The following ITGA8 variants were observed in gnomAD, a reference collection of about 807,000 sequenced individuals.
ITGA8 encodes the protein integrin alpha-8.
ITGA8 carries 91 observed loss-of-function variants against 142.3 expected under a neutral mutation model. That is an observed-to-expected ratio of 0.64 (90% CI 0.54 to 0.76). ITGA8 has a LOEUF of 0.76. Ranked by LOEUF, ITGA8 falls within the 30% of genes least tolerant of loss-of-function variation. The probability of loss-of-function intolerance (pLI) is 0.00; values close to 1 mark genes in which losing one functional copy is unlikely to be tolerated. For synonymous variants in ITGA8, 505 were observed against 485.2 expected, an observed-to-expected ratio of 1.04 and a Z score of -0.54; for missense variants, 1,406 against 1,327.7, an observed-to-expected ratio of 1.06 and a Z score of -0.92.
chr10:15,694,339 T>G (rs1835001079), intron 2 of ITGA8, among the ~76,000 whole-genome samples: 1 of 10,374 alleles, frequency 9.6e-5, no homozygotes. Flanking sequence ...ATATCATATA[T>G]CAGATAATAT....
intron 13 of ITGA8, among the ~76,000 whole-genome samples, chr10:15,627,111 C>A (rs938066917): frequency 6.6e-6 from 1 of 152,150 alleles, no homozygotes; most frequent in African/African-American, 2.4e-5. Context: ...CACTCCCCTG[C>A]CTTCCAGCTA....
intron 25 of ITGA8, among the ~76,000 whole-genome samples, chr10:15,563,000 C>G (rs1033305045): frequency 1.3e-5 from 2 of 152,188 alleles, no homozygotes; most frequent in Non-Finnish European, 2.9e-5. Flanking sequence ...AAGTGAGCTT[C>G]CACTCTGAGT....
intron 22 of ITGA8, among the ~76,000 whole-genome samples, 162 bp downstream of exon 22, chr10:15,592,063 C>T (rs930986549): frequency 1.3e-5 from 2 of 152,122 alleles, no homozygotes; most frequent in East Asian, 3.9e-4. Context: ...GTTGAAATTA[C>T]TGAAACAATT....
chr10:15,608,387 C>T (rs1833235957), intron 15 of ITGA8, 97 bp from the exon 16 acceptor site: 1 of 672,398 alleles, frequency 1.5e-6, no homozygotes, highest in South Asian at 1.8e-5. Context: ...ATCATTTTCT[C>T]TATATATTTC....
At chr10:15,575,369 GAC>G (rs1210737640) in intron 24 of ITGA8, 118 bp downstream of exon 24, 2 of 733,122 alleles carry the variant, frequency 2.7e-6, no homozygotes, top group Non-Finnish European at 4.7e-6. Flanking sequence ...CAGCCTGGGA[GAC>G]ACAGCGAGAT....
chr10:15,700,667 A>G (rs1835145714), intron 2 of ITGA8, among the ~76,000 whole-genome samples: 1 of 152,178 alleles, frequency 6.6e-6, no homozygotes, highest in Non-Finnish European at 1.5e-5. Flanking sequence ...CAATCTATAT[A>G]TCCAACAAAG....
intron 25 of ITGA8, among the ~76,000 whole-genome samples, chr10:15,558,804 G>A (rs749590987): frequency 5.3e-5 from 8 of 152,296 alleles, no homozygotes; most frequent in East Asian, 1.9e-4. Flanking sequence ...CCCTGAGTTC[G>A]TTTTGCAAAT....
chr10:15,715,627 A>G (rs1835436083), intron 2 of ITGA8, among the ~76,000 whole-genome samples: 1 of 152,218 alleles, frequency 6.6e-6, no homozygotes, highest in African/African-American at 2.4e-5. Context: ...CAATGTGTGT[A>G]CCGTGTCTGG....
intron 13 of ITGA8, among the ~76,000 whole-genome samples, chr10:15,631,559 C>A (rs1833685865): frequency 6.6e-6 from 1 of 151,604 alleles, no homozygotes. Context: ...CATACCGGGT[C>A]CTGTTGAGGG....
intron 13 of ITGA8, among the ~76,000 whole-genome samples, chr10:15,626,715 C>G (rs1032039288): frequency 6.6e-6 from 1 of 151,924 alleles, no homozygotes; most frequent in African/African-American, 2.4e-5. Flanking sequence ...TCCAATAGGA[C>G]CAGTGTCCTT....
At chr10:15,686,830 T>C (rs1457458849) in intron 3 of ITGA8, among the ~76,000 whole-genome samples, 1 of 152,198 alleles carries the variant, frequency 6.6e-6, no homozygotes, top group Non-Finnish European at 1.5e-5. Context: ...TGTATTATTG[T>C]AGTTTCCATT....
intron 13 of ITGA8, 101 bp downstream of exon 13, chr10:15,643,929 T>A: frequency 1.0e-6 from 1 of 999,404 alleles, no homozygotes; most frequent in Non-Finnish European, 1.5e-6. Context: ...AGCTTCAGCC[T>A]CATCTGTAGA....
intron 13 of ITGA8, among the ~76,000 whole-genome samples, chr10:15,641,474 T>C (rs1024574055): frequency 1.3e-5 from 2 of 152,202 alleles, no homozygotes; most frequent in Non-Finnish European, 2.9e-5. Flanking sequence ...GGGATCTTGC[T>C]ATGAAGTTAA....
intron 2 of ITGA8, among the ~76,000 whole-genome samples, chr10:15,695,963 T>G (rs1835043652): frequency 6.6e-6 from 1 of 152,146 alleles, no homozygotes; most frequent in Non-Finnish European, 1.5e-5. Flanking sequence ...CTTTCCAGAC[T>G]TTCACACCCT....
chr10:15,553,199 G>A (rs1212361733), intron 26 of ITGA8, among the ~76,000 whole-genome samples: 4 of 151,848 alleles, frequency 2.6e-5, no homozygotes, highest in Non-Finnish European at 5.9e-5. Flanking sequence ...CGAGGTTACA[G>A]TAAGCTGAGA....
intron 2 of ITGA8, among the ~76,000 whole-genome samples, chr10:15,700,072 A>G (rs1242054997): frequency 1.3e-5 from 2 of 152,156 alleles, no homozygotes; most frequent in East Asian, 1.9e-4. Context: ...AAATGTGGCA[A>G]GTATCATCTT....
intron 25 of ITGA8, among the ~76,000 whole-genome samples, chr10:15,561,237 A>ATATATATATATG (rs1554772732): frequency 1.4e-3 from 111 of 78,842 alleles, no homozygotes; most frequent in African/African-American, 9.4e-3. Context: ...ATATATATGT[A>ATATATATATATG]TATATATATA....
chr10:15,702,670 G>A (rs1484447107), intron 2 of ITGA8, among the ~76,000 whole-genome samples: 4 of 152,082 alleles, frequency 2.6e-5, no homozygotes, highest in African/African-American at 9.7e-5. Flanking sequence ...CTTTCTTTCT[G>A]TTCCCTGTTG....
chr10:15,665,620 G>A (rs544270659), intron 8 of ITGA8, among the ~76,000 whole-genome samples: 1 of 152,122 alleles, frequency 6.6e-6, no homozygotes, highest in Admixed American at 6.5e-5. Context: ...GTATTGCCTA[G>A]GTTTTCTTCT....
Sources: gnomAD v4.1 joint callset for allele counts (sites outside exome capture counted in the v4.1 genomes callset) on GRCh38, gnomAD v4.1.1 for gene constraint, MANE v1.5 for transcripts, NCBI Gene and HGNC (gene_info 2026-07-23, HGNC 2026-07-21) for gene names.